UBE2G1: variants seen among roughly 807,000 people sequenced by gnomAD.
UBE2G1 encodes ubiquitin-conjugating enzyme E2 G1.
Under a neutral mutation model 22.7 loss-of-function variants are expected in UBE2G1, and 5 were observed. The ratio of observed to expected loss-of-function variants is 0.22; its 90% confidence interval spans 0.12 to 0.46. The LOEUF (loss-of-function observed/expected upper bound fraction) is 0.46, where lower values mean the gene tolerates loss of function less well. UBE2G1 is among the 20% of genes least tolerant of loss of function. The pLI is 0.99. For missense variants in UBE2G1, 88 were observed against 203.9 expected, an observed-to-expected ratio of 0.43 and a Z score of 3.46; for synonymous variants, 74 against 67.5, an observed-to-expected ratio of 1.10 and a Z score of -0.47.
At chr17:4,341,167 C>A (rs1969708227) in intron 1 of UBE2G1, among the ~76,000 whole-genome samples, 1 of 151,874 alleles carries the variant, frequency 6.6e-6, no homozygotes, top group African/African-American at 2.4e-5. Flanking sequence ...GCTGGTCATG[C>A]AAATCACATT....
intron 1 of UBE2G1, among the ~76,000 whole-genome samples, chr17:4,360,709 C>T (rs1969956703): frequency 6.6e-6 from 1 of 152,008 alleles, no homozygotes; most frequent in African/African-American, 2.4e-5. Context: ...ACCGGGAGTT[C>T]AAGACCAGCC....
intron 1 of UBE2G1, among the ~76,000 whole-genome samples, chr17:4,310,120 T>C (rs1376880791): frequency 1.3e-5 from 2 of 152,228 alleles, no homozygotes; most frequent in South Asian, 2.1e-4. Flanking sequence ...TTTAAAGTGA[T>C]AGAACCTTAC....
intron 5 of UBE2G1, among the ~76,000 whole-genome samples, chr17:4,275,450 T>A (rs984952269): frequency 1.1e-4 from 16 of 152,238 alleles, no homozygotes; most frequent in African/African-American, 3.9e-4. Flanking sequence ...ATTTGCCTCA[T>A]ATCTTCTCAG....
intron 1 of UBE2G1, among the ~76,000 whole-genome samples, chr17:4,325,316 A>G (rs2143767434): frequency 6.6e-6 from 1 of 152,308 alleles, no homozygotes; most frequent in Non-Finnish European, 1.5e-5. Context: ...TCCATCAGTC[A>G]TAACTCTATT....
intron 1 of UBE2G1, among the ~76,000 whole-genome samples, chr17:4,313,623 A>C (rs192848653): frequency 0.017 from 2,550 of 151,698 alleles, 67 homozygotes; most frequent in African/African-American, 0.059. Context: ...GGACGATAGT[A>C]TTTCTCTCTC....
In UBE2G1 at chr17:4,353,220, AAAC is replaced by A. The variant is rs536567849; in HGVS notation, c.46+13048_46+13050del. Among the ~76,000 whole-genome samples, 1,403 of 152,056 alleles carry A rather than the reference AAAC, an allele frequency of 9.2e-3. 12 individuals are homozygous for A. The highest frequency in any genetic ancestry group is 0.017 in the Middle Eastern group (5 of 294). The stretch of plus-strand genomic sequence containing the variant: ...GCGACAGAGTGAGACTCCATCTCGA[AAAC>A]AACAACAACAACAACAAAAACTTTG... On this transcript the variant is annotated intron_variant, in intron 1 of 5. Coordinates refer to ENST00000396981, the MANE Select transcript of UBE2G1 (RefSeq NM_003342.5).
At chr17:4,305,454 C>G (rs942659687) in intron 2 of UBE2G1, among the ~76,000 whole-genome samples, 3 of 152,234 alleles carry the variant, frequency 2.0e-5, no homozygotes, top group African/African-American at 7.2e-5. Flanking sequence ...CATATACACA[C>G]TCCAGCAGAG....
intron 2 of UBE2G1, among the ~76,000 whole-genome samples, chr17:4,301,150 A>T (rs1969173573): frequency 6.6e-6 from 1 of 152,118 alleles, no homozygotes; most frequent in African/African-American, 2.4e-5. Context: ...TTTGCTCAAC[A>T]TTGTTCTATT....
intron 1 of UBE2G1, among the ~76,000 whole-genome samples, chr17:4,333,517 A>C (rs187319382): frequency 1.3e-5 from 2 of 152,146 alleles, no homozygotes; most frequent in Admixed American, 6.5e-5. Context: ...CTCTACTAAA[A>C]ATACAAAAAT....
At chr17:4,292,316 A>C (rs1443532208) in intron 3 of UBE2G1, among the ~76,000 whole-genome samples, 1 of 524 alleles carries the variant, frequency 1.9e-3, no homozygotes. Context: ...CTCTGTCTCA[A>C]AAAAAAAAAA....
At chr17:4,322,779 A>C (rs1327104500) in intron 1 of UBE2G1, among the ~76,000 whole-genome samples, 2 of 152,234 alleles carry the variant, frequency 1.3e-5, no homozygotes, top group African/African-American at 4.8e-5. Flanking sequence ...GTTTCTATGC[A>C]ACAGAAATAC....
At chr17:4,332,454 C>T (rs1969590224) in intron 1 of UBE2G1, among the ~76,000 whole-genome samples, 1 of 152,178 alleles carries the variant, frequency 6.6e-6, no homozygotes, top group Non-Finnish European at 1.5e-5. Context: ...CTACTCTCAA[C>T]CCAGCAGGCA....
chr17:4,321,429 GT>G (rs1004227681), intron 1 of UBE2G1, among the ~76,000 whole-genome samples: 2 of 151,434 alleles, frequency 1.3e-5, no homozygotes, highest in African/African-American at 2.4e-5. Context: ...CCCCCACCCC[GT>G]TTTTTTTACA....
chr17:4,334,475 T>C (rs1222644933), intron 1 of UBE2G1, among the ~76,000 whole-genome samples: 1 of 152,112 alleles, frequency 6.6e-6, no homozygotes, highest in Non-Finnish European at 1.5e-5. Flanking sequence ...TCTTAGAGAG[T>C]AAATTTTAAT....
intron 4 of UBE2G1, among the ~76,000 whole-genome samples, chr17:4,288,478 G>A (rs926042237): frequency 9.9e-5 from 15 of 151,950 alleles, no homozygotes; most frequent in African/African-American, 3.6e-4. Flanking sequence ...CACCCGCCTC[G>A]GCCTCCCAAA....
rs1968725339 is a variant in UBE2G1, at chr17:4,269,497, C to G, written c.*3057G>C. ...CCAGACGGGCAAAGATACACAGGCACCACAGCCCAAAGCGGGCAGATTCGT... is the reference window on the plus strand; with the variant it reads ...CCAGACGGGCAAAGATACACAGGCAGCACAGCCCAAAGCGGGCAGATTCGT... On this transcript the variant is annotated 3_prime_UTR_variant, in exon 6 of 6. Coordinates refer to ENST00000396981, the MANE Select transcript of UBE2G1 (RefSeq NM_003342.5). 5.4e-6 allele frequency: 1 copy of G among 185,640 alleles called. No individual in the cohort carries two copies. The highest frequency in any genetic ancestry group is 2.4e-5 in the African/African-American group (1 of 41,546). The allele number at this position is 185,640 out of a possible 1,614,324, so 11.5% of individuals were successfully genotyped here. A position where few individuals can be genotyped will look rare whatever the true frequency, so the allele number is the denominator to read the frequency against.
intron 3 of UBE2G1, among the ~76,000 whole-genome samples, chr17:4,290,937 TGAATATATGACAG>T (rs528727665): frequency 2.2e-4 from 33 of 152,028 alleles, no homozygotes; most frequent in Non-Finnish European, 4.4e-4. Flanking sequence ...AGTACAGCAG[TGAATATATGACAG>T]GCAAGGCCCG....
intron 5 of UBE2G1, among the ~76,000 whole-genome samples, chr17:4,276,706 A>G (rs1968825831): frequency 6.6e-6 from 1 of 152,162 alleles, no homozygotes; most frequent in South Asian, 2.1e-4. Context: ...AATCCGTAGT[A>G]CTTATTCTGG....
rs1968746347 is a variant in UBE2G1 at position 4,270,691 on chromosome 17, G to A, written c.*1863C>T. On this transcript the variant is annotated 3_prime_UTR_variant, in exon 6 of 6. Coordinates refer to ENST00000396981, the MANE Select transcript of UBE2G1 (RefSeq NM_003342.5). ...GTCACAAAGTTCTTAAAGAAAACTG[G>A]GTTCTAATGAATCAATTTCCAGTCA... The A allele has an allele frequency of 1.3e-5, 2 of 151,854 alleles. No individual in the cohort carries two copies. Among genetic ancestry groups the A allele is most frequent in the Admixed American group, 1.3e-4 (2 of 15,256 alleles). The allele number at this position is 151,854 out of a possible 1,614,324, so 9.4% of individuals were successfully genotyped here. A position where few individuals can be genotyped will look rare whatever the true frequency, so the allele number is the denominator to read the frequency against.
Sources: allele counts gnomAD v4.1 joint callset (sites outside exome capture counted in the v4.1 genomes callset), GRCh38; gene constraint gnomAD v4.1.1; transcripts MANE v1.5; gene names NCBI Gene and HGNC (gene_info 2026-07-23, HGNC 2026-07-21).